The following AGMO variants were observed in gnomAD, a reference collection of about 807,000 sequenced individuals.
AGMO encodes glyceryl-ether monooxygenase.
A neutral mutation model predicts 60.2 loss-of-function variants in AGMO; 75 were observed. The observed-to-expected ratio is 1.25, with a 90% CI of 1.03 to 1.51. The LOEUF (loss-of-function observed/expected upper bound fraction) is 1.51. Ranked by LOEUF, AGMO falls within the 40% of genes most tolerant of loss-of-function variation. The pLI is 0.00. For missense variants in AGMO, 763 were observed against 525.5 expected, an observed-to-expected ratio of 1.45 and a Z score of -4.42; for synonymous variants, 261 against 177.1, an observed-to-expected ratio of 1.47 and a Z score of -3.76.
At chr7:15,245,227 T>C (rs560186287) in intron 12 of AGMO, among the ~76,000 whole-genome samples, 2 of 152,170 alleles carry the variant, frequency 1.3e-5, no homozygotes, top group South Asian at 4.1e-4. Flanking sequence ...AGATGTCCTC[T>C]GCACCAACTA....
the AGMO span, among the ~76,000 whole-genome samples, chr7:15,180,768 T>G: frequency 6.6e-6 from 1 of 152,192 alleles, no homozygotes; most frequent in South Asian, 2.1e-4. Context: ...GTATTTATTT[T>G]CTGTTTTAGT....
chr7:15,359,690 T>TG (rs942522120), intron 12 of AGMO, among the ~76,000 whole-genome samples: 2 of 152,222 alleles, frequency 1.3e-5, no homozygotes, highest in East Asian at 3.8e-4. Flanking sequence ...CTCCTACCCC[T>TG]GGTTCATTTC....
At chr7:15,135,480 G>A in the AGMO span, among the ~76,000 whole-genome samples, 2 of 152,104 alleles carry the variant, frequency 1.3e-5, no homozygotes, top group Admixed American at 6.5e-5. Flanking sequence ...TGTCTTCAAT[G>A]TTTGGAAACA....
At position 15,252,355 on chromosome 7, in the gene AGMO, TTGAGTGTGGGTGGAGCCCA is replaced by T. The variant is rs1782964480; in HGVS notation, c.1264-51015_1264-50997del. Among the ~76,000 whole-genome samples the T allele has an allele frequency of 1.3e-5, 2 of 152,152 alleles. 1 individual carries two copies. Reference sequence around the variant, plus strand: ...TCATGCCCTGTGATATTCCTTCCCTTTGAGTGTGGGTGGAGCCCATGACTTGTTTATAACAAATGGAATA... The same window carrying T: ...TCATGCCCTGTGATATTCCTTCCCTTTGACTTGTTTATAACAAATGGAATA... On this transcript the variant is annotated intron_variant, in intron 12 of 12. Transcript: ENST00000342526.
At chr7:15,487,630 T>C (rs1014408641) in intron 3 of AGMO, among the ~76,000 whole-genome samples, 2 of 152,120 alleles carry the variant, frequency 1.3e-5, no homozygotes, top group Non-Finnish European at 2.9e-5. Context: ...ATTTTCTCCC[T>C]GAACATTATG....
chr7:15,181,288 A>G, the AGMO span, among the ~76,000 whole-genome samples: 9 of 152,278 alleles, frequency 5.9e-5, no homozygotes, highest in African/African-American at 2.2e-4. Context: ...GAGGTCTTTC[A>G]CATAAAATTT....
At chr7:15,357,464 T>G (rs185735507) in intron 12 of AGMO, among the ~76,000 whole-genome samples, 1 of 152,268 alleles carries the variant, frequency 6.6e-6, no homozygotes, top group Non-Finnish European at 1.5e-5. Flanking sequence ...GCCATAAATT[T>G]ATGTGTGCCC....
intron 3 of AGMO, among the ~76,000 whole-genome samples, chr7:15,510,982 A>G (rs1583629468): frequency 6.6e-6 from 1 of 151,408 alleles, no homozygotes; most frequent in East Asian, 1.9e-4. Flanking sequence ...TCTGGTCACA[A>G]AAACATCACC....
intron 3 of AGMO, among the ~76,000 whole-genome samples, chr7:15,475,528 C>T (rs920208208): frequency 7.9e-5 from 12 of 151,924 alleles, no homozygotes; most frequent in African/African-American, 2.9e-4. Flanking sequence ...ACATCACACA[C>T]TGGGGCCTGT....
the AGMO span, among the ~76,000 whole-genome samples, chr7:15,138,667 C>T: frequency 3.2e-4 from 48 of 152,256 alleles, no homozygotes; most frequent in South Asian, 7.5e-3. Flanking sequence ...TTTCTAAACA[C>T]CAATGTTTCA....
the AGMO span, among the ~76,000 whole-genome samples, chr7:15,178,540 T>G: frequency 2.0e-5 from 3 of 152,178 alleles, no homozygotes; most frequent in African/African-American, 7.2e-5. Flanking sequence ...GTTTATCTTT[T>G]GTTTTGCTGC....
chr7:15,283,054 T>C (rs1298903950), intron 12 of AGMO, among the ~76,000 whole-genome samples: 1 of 152,114 alleles, frequency 6.6e-6, no homozygotes, highest in East Asian at 1.9e-4. Flanking sequence ...AATTTATCAC[T>C]ACTAGACCAG....
chr7:15,374,840 A>T (rs895375569), intron 10 of AGMO, among the ~76,000 whole-genome samples: 12 of 151,988 alleles, frequency 7.9e-5, no homozygotes, highest in Admixed American at 6.6e-5. Flanking sequence ...ATAGAGTACC[A>T]AAAAAGGAAG....
intron 2 of AGMO, among the ~76,000 whole-genome samples, chr7:15,549,245 G>A (rs1171474825): frequency 3.5e-5 from 5 of 144,610 alleles, no homozygotes; most frequent in Non-Finnish European, 7.5e-5. Flanking sequence ...AGACTAGGAA[G>A]AAACTGCATC....
At chr7:15,513,229 C>T (rs78518450) in intron 3 of AGMO, among the ~76,000 whole-genome samples, 2,322 of 152,194 alleles carry the variant, frequency 0.015, 58 homozygotes, top group African/African-American at 0.052. Context: ...GAGACATAGA[C>T]GAACATTACT....
intron 12 of AGMO, among the ~76,000 whole-genome samples, chr7:15,240,501 A>G (rs1782558064): frequency 1.3e-5 from 2 of 152,154 alleles, no homozygotes; most frequent in African/African-American, 2.4e-5. Flanking sequence ...GTAGGCTGCC[A>G]GTTTCACTTA....
intron 3 of AGMO, among the ~76,000 whole-genome samples, chr7:15,510,950 A>T (rs1469208452): frequency 6.7e-6 from 1 of 150,256 alleles, no homozygotes; most frequent in Non-Finnish European, 1.5e-5. Context: ...ATGATAATAT[A>T]AACAAGTTCC....
chr7:15,499,904 T>TATGCAC (rs1554279768), intron 3 of AGMO, among the ~76,000 whole-genome samples: 9 of 71,500 alleles, frequency 1.3e-4, no homozygotes, highest in Non-Finnish European at 2.1e-4. Flanking sequence ...TTATATGTAT[T>TATGCAC]ACGCACACAC....
At chr7:15,298,882 C>A (rs1036334997) in intron 12 of AGMO, among the ~76,000 whole-genome samples, 2 of 151,970 alleles carry the variant, frequency 1.3e-5, no homozygotes, top group Non-Finnish European at 2.9e-5. Context: ...TATTGTCCAC[C>A]CCTCTAATTC....
Sources: gnomAD v4.1 joint callset for allele counts (sites outside exome capture counted in the v4.1 genomes callset) on GRCh38, gnomAD v4.1.1 for gene constraint, MANE v1.5 for transcripts, NCBI Gene and HGNC (gene_info 2026-07-23, HGNC 2026-07-21) for gene names.